The following NFATC2 variants were observed in gnomAD, a reference collection of about 807,000 sequenced individuals.
NFATC2 encodes nuclear factor of activated T-cells, cytoplasmic 2.
In NFATC2, 22 loss-of-function variants were observed where a neutral mutation model predicts 87.3. The ratio of observed to expected loss-of-function variants is 0.25; its 90% CI spans 0.18 to 0.36. NFATC2 has a LOEUF of 0.36. Ranked by LOEUF, NFATC2 falls within the 10% of genes least tolerant of loss-of-function variation. The pLI, the probability that NFATC2 is intolerant of heterozygous loss-of-function variation, is 1.00. For synonymous variants in NFATC2, 565 were observed against 542.2 expected (o/e 1.04, Z -0.58); for missense variants, 1,149 against 1,259.1 (o/e 0.91, Z 1.32).
chr20:51,535,554 T>A (rs1405899746), intron 1 of NFATC2, among the ~76,000 whole-genome samples: 1 of 152,194 alleles, frequency 6.6e-6, no homozygotes, highest in Non-Finnish European at 1.5e-5. Flanking sequence ...TTCCTGGGGG[T>A]GGGCACACTT....
intron 6 of NFATC2, among the ~76,000 whole-genome samples, chr20:51,442,040 G>C (rs750061551): frequency 6.6e-6 from 1 of 152,148 alleles, no homozygotes; most frequent in South Asian, 2.1e-4. Flanking sequence ...TTAATTATGG[G>C]CCACCTGTAA....
chr20:51,407,363 C>A (rs1214080433), intron 9 of NFATC2, among the ~76,000 whole-genome samples: 1 of 152,168 alleles, frequency 6.6e-6, no homozygotes, highest in African/African-American at 2.4e-5. Flanking sequence ...GTAGGAGGGC[C>A]GGGACTTTGA....
chr20:51,543,684 T>C (rs1053321587), upstream of NFATC2, among the ~76,000 whole-genome samples: 1 of 152,072 alleles, frequency 6.6e-6, no homozygotes, highest in African/African-American at 2.4e-5. Context: ...ATTCCATAAG[T>C]CTGAATACAG....
At chr20:51,425,660 C>G (rs1477015573) in intron 9 of NFATC2, among the ~76,000 whole-genome samples, 1 of 152,248 alleles carries the variant, frequency 6.6e-6, no homozygotes, top group Non-Finnish European at 1.5e-5. Context: ...CTGAGGGGCC[C>G]TAGTGAAAGA....
At chr20:51,535,509 T>C in intron 1 of NFATC2, among the ~76,000 whole-genome samples, 1 of 152,232 alleles carries the variant, frequency 6.6e-6, no homozygotes, top group Non-Finnish European at 1.5e-5. Context: ...TCTTTATTTA[T>C]ACTTTTCCCC....
chr20:51,529,749 C>T (rs1027282146), intron 1 of NFATC2, among the ~76,000 whole-genome samples: 2 of 152,024 alleles, frequency 1.3e-5, no homozygotes, highest in Admixed American at 1.3e-4. Flanking sequence ...AATTCACTCA[C>T]TTATTTTTTT....
chr20:51,424,416 GGAA>G (rs1230655085), intron 9 of NFATC2, among the ~76,000 whole-genome samples: 1 of 152,200 alleles, frequency 6.6e-6, no homozygotes, highest in Non-Finnish European at 1.5e-5. Context: ...TGCGGTTAGG[GGAA>G]GAAGAGTGAT....
At chr20:51,397,843 C>A (rs76728301) in intron 10 of NFATC2, among the ~76,000 whole-genome samples, 4 of 152,102 alleles carry the variant, frequency 2.6e-5, no homozygotes, top group African/African-American at 9.7e-5. Flanking sequence ...TGGTTTATTC[C>A]GATTAGAATA....
chr20:51,398,528 AAGAG>A (rs1317390495), intron 10 of NFATC2, 111 bp downstream of exon 10: 4 of 643,904 alleles, frequency 6.2e-6, no homozygotes, highest in Non-Finnish European at 1.1e-5. Flanking sequence ...GGAGAATGAG[AAGAG>A]AGGGCCTTCA....
rs1036530969 is a variant in NFATC2, at chr20:51,480,313, C to T, written c.1333-4653G>A. 2.1e-4 allele frequency among the ~76,000 whole-genome samples: 28 copies of T among 132,592 alleles called. No individual in the cohort carries two copies. The highest frequency in any genetic ancestry group is 8.2e-4 in the African/African-American group (25 of 30,366). 87.0% of individuals were successfully genotyped at this position (132,592 alleles called of 152,430 possible). ...AAAAAAAATAGAATGTGCTTCCTGCCGCACAGGAGAGAGAGTGGGGCAGGA... is the reference window on the plus strand; with the variant it reads ...AAAAAAAATAGAATGTGCTTCCTGCTGCACAGGAGAGAGAGTGGGGCAGGA... On this transcript the variant is annotated intron_variant, in intron 3 of 10. Coordinates refer to ENST00000371564, the MANE Select transcript of NFATC2 (RefSeq NM_012340.5). This position sits in a 1 kb window ranked among gnomAD's most constrained non-coding sequence, Gnocchi z 4.2.
rs2076504767 is a variant in NFATC2, at chr20:51,524,132, G to C, written c.131-22C>G. ...TCTTCTGGAAAGAGAAGGGGGAAGG[G>C]GGTTCTTTTTAAGCCTCAAAAACAG... On this transcript the variant is annotated intron_variant, in intron 1 of 10. Coordinates refer to ENST00000371564, the MANE Select transcript of NFATC2 (RefSeq NM_012340.5). This position sits in a 1 kb window ranked among gnomAD's most constrained non-coding sequence, Gnocchi z 4.0. 1 of 1,438,848 alleles carries C rather than the reference G, an allele frequency of 7.0e-7. No homozygotes were observed. The highest frequency in any genetic ancestry group is 1.5e-5 in the African/African-American group (1 of 67,290). The allele number at this position is 1,438,848 out of a possible 1,614,324, so 89.1% of individuals were successfully genotyped here. A position where few individuals can be genotyped will look rare whatever the true frequency, so the allele number is the denominator to read the frequency against.
At chr20:51,511,344 T>C (rs2076268468) in intron 3 of NFATC2, among the ~76,000 whole-genome samples, 1 of 152,216 alleles carries the variant, frequency 6.6e-6, no homozygotes, top group African/African-American at 2.4e-5. Context: ...GCATTGTTAC[T>C]GAGGGTGTGG....
chr20:51,507,981 G>A (rs150580470), intron 3 of NFATC2, among the ~76,000 whole-genome samples: 2 of 152,250 alleles, frequency 1.3e-5, no homozygotes, highest in Non-Finnish European at 2.9e-5. Context: ...CAGCACACAC[G>A]AGGGCCCCAA....
intron 9 of NFATC2, among the ~76,000 whole-genome samples, chr20:51,400,352 G>C (rs766009857): frequency 4.0e-5 from 6 of 151,686 alleles, no homozygotes; most frequent in Admixed American, 6.6e-5. Context: ...TGGAGGAGTC[G>C]TTCGAATCTA....
chr20:51,472,254 TAATAA>T (rs899024484), intron 5 of NFATC2, among the ~76,000 whole-genome samples: 21 of 152,108 alleles, frequency 1.4e-4, no homozygotes, highest in African/African-American at 4.8e-4. Flanking sequence ...GATTCCTTCT[TAATAA>T]AATAAAATAA....
chr20:51,483,941 A>C (rs1989491946), intron 3 of NFATC2, among the ~76,000 whole-genome samples: 1 of 151,942 alleles, frequency 6.6e-6, no homozygotes, highest in Admixed American at 6.6e-5. Flanking sequence ...GTCCAGCTAG[A>C]AAGATCCTTA....
chr20:51,556,345 C>T (rs1482996739), intron 1 of NFATC2, among the ~76,000 whole-genome samples: 1 of 152,168 alleles, frequency 6.6e-6, no homozygotes, highest in Non-Finnish European at 1.5e-5. Flanking sequence ...ACCCACTCAC[C>T]AGACACACAC....
intron 1 of NFATC2, among the ~76,000 whole-genome samples, chr20:51,557,362 G>T (rs1387633399): frequency 6.6e-6 from 1 of 152,204 alleles, no homozygotes; most frequent in Non-Finnish European, 1.5e-5. Context: ...CGACCCTGGT[G>T]AGTGACTCTA....
intron 1 of NFATC2, among the ~76,000 whole-genome samples, chr20:51,532,921 G>A (rs1353523101): frequency 6.6e-6 from 1 of 152,198 alleles, no homozygotes; most frequent in Non-Finnish European, 1.5e-5. Context: ...CCTGGGGGCT[G>A]GATGCCCCTC....
Sources: allele counts gnomAD v4.1 joint callset (sites outside exome capture counted in the v4.1 genomes callset), GRCh38; gene constraint gnomAD v4.1.1; non-coding constraint Gnocchi (gnomAD v3.1); transcripts MANE v1.5; gene names NCBI Gene and HGNC (gene_info 2026-07-23, HGNC 2026-07-21).